Variants in SLCO4C1 observed in about 807,000 individuals in gnomAD.
SLCO4C1 encodes the protein solute carrier organic anion transporter family member 4C1.
In SLCO4C1, 58 loss-of-function variants were observed where a neutral mutation model predicts 72.1. That is an observed-to-expected ratio of 0.80 (90% CI 0.65 to 1.00). The LOEUF (loss-of-function observed/expected upper bound fraction) is 1.00. Ranked by LOEUF, SLCO4C1 falls within the 50% of genes least tolerant of loss-of-function variation. The pLI is 0.00. For missense variants in SLCO4C1, 898 were observed against 857.9 expected (o/e 1.05, Z -0.58); for synonymous variants, 297 against 312.5 (o/e 0.95, Z 0.52).
chr5:102,237,241 A>G (rs1748453879), intron 12 of SLCO4C1, among the ~76,000 whole-genome samples: 1 of 152,198 alleles, frequency 6.6e-6, no homozygotes, highest in African/African-American at 2.4e-5. Context: ...ATAGAGCACA[A>G]TAATTAACTT....
chr5:102,270,444 A>C (rs1749128901), intron 3 of SLCO4C1, among the ~76,000 whole-genome samples, 180 bp downstream of exon 3: 1 of 152,180 alleles, frequency 6.6e-6, no homozygotes. Flanking sequence ...AAATCATTAT[A>C]ATTTATATTT....
chr5:102,260,661 T>G (rs900556572), intron 5 of SLCO4C1, among the ~76,000 whole-genome samples: 1 of 152,022 alleles, frequency 6.6e-6, no homozygotes, highest in African/African-American at 2.4e-5. Context: ...TGCTTTTCAT[T>G]TAAAATCTCT....
chr5:102,237,017 ACCT>A lies in SLCO4C1; in HGVS notation c.2015-2_2015del. ...ACATGGTGATAACTTTACAAGTAAC[ACCT>A]AAGTGAAAAAAAAAATTAATCATGT... On this transcript the variant is annotated splice_acceptor_variant and coding_sequence_variant, in exon 13 of 13. Transcript: ENST00000310954. LOFTEE classifies it high-confidence loss of function. The A allele has an allele frequency of 6.4e-7, 1 of 1,568,794 alleles. No homozygotes were observed. The highest frequency in any genetic ancestry group is 1.4e-5 in the African/African-American group (1 of 72,624).
intron 2 of SLCO4C1, among the ~76,000 whole-genome samples, chr5:102,286,563 T>A (rs1381286685): frequency 6.6e-6 from 1 of 152,144 alleles, no homozygotes; most frequent in Non-Finnish European, 1.5e-5. Context: ...ATGACTTATT[T>A]AAAAGTGTTT....
Position 102,270,639 on chromosome 5 carries a change from AC to A in SLCO4C1, c.786del (p.Lys262AsnfsTer6). The stretch of plus-strand genomic sequence containing the variant: ...GTAAACTTACCTATATAGAGAGAAG[AC>A]TTGTGTGTGGGCACAGAATCATCAA... ...AFLDDSVPTH[K>X]SSLYIGTGYA... On this transcript the variant is annotated frameshift_variant, in exon 3 of 13. Transcript: ENST00000310954. LOFTEE classifies it high-confidence loss of function. 6.2e-7 allele frequency: 1 copy of A among 1,611,012 alleles called. No homozygotes were observed. The highest frequency in any genetic ancestry group is 8.5e-7 in the Non-Finnish European group (1 of 1,178,638).
At chr5:102,273,122 T>C (rs779884603) in intron 2 of SLCO4C1, among the ~76,000 whole-genome samples, 1 of 151,870 alleles carries the variant, frequency 6.6e-6, no homozygotes, top group African/African-American at 2.4e-5. Context: ...CTGTGAGAAT[T>C]ATGACAGAGA....
chr5:102,243,189 T>C (rs867086207), intron 10 of SLCO4C1, among the ~76,000 whole-genome samples: 2 of 152,132 alleles, frequency 1.3e-5, no homozygotes, highest in African/African-American at 4.8e-5. Flanking sequence ...CGCAATACAA[T>C]AGACCAGGTA....
intron 12 of SLCO4C1, 117 bp downstream of exon 12, chr5:102,239,134 T>G (rs1580235036): frequency 1.1e-6 from 1 of 913,174 alleles, no homozygotes; most frequent in Non-Finnish European, 1.6e-6. Context: ...TACTGGATGG[T>G]TCAACAATGT....
At position 102,247,426 on chromosome 5, in the gene SLCO4C1, G is replaced by T. The variant is rs759838506; in HGVS notation, c.1637C>A (p.Ser546Tyr). 3.2e-6 allele frequency: 5 copies of T among 1,557,408 alleles called. No individual in the cohort carries two copies. In the Admixed American group the frequency reaches 7.1e-5, roughly 22 times the overall value. The part of the protein sequence containing the change: ...HRKPKVYYNC[S>Y]CIERKTEITS... ...TATTTCTGTTTTCCTTTCAATACAG[G>T]AACAGTTGTAATATACCTAAAAATA... The change falls in exon 10 of 13, where the codon TCC becomes TAC. Residue 546 changes from serine (S) to tyrosine (Y), a missense_variant. Ser to Tyr is a moderately radical substitution (Grantham distance 144). Transcript: ENST00000310954.
At position 102,249,642 on chromosome 5, in the gene SLCO4C1, G is replaced by A. The variant is rs1444114714; in HGVS notation, c.1616C>T (p.Pro539Leu). Residue 539 changes from proline to leucine, a missense_variant, in exon 9 of 13, where the codon CCA becomes CTA. Pro to Leu is a moderately conservative substitution (Grantham distance 98). Coordinates refer to ENST00000310954, the MANE Select transcript of SLCO4C1 (RefSeq NM_180991.5). ...AAAGTAGGAGACATAAGCTACCTTTGGCTTCCTGTGTGCAACTGGGTTTGA... is the reference window on the plus strand; with the variant it reads ...AAAGTAGGAGACATAAGCTACCTTTAGCTTCCTGTGTGCAACTGGGTTTGA... The part of the protein sequence containing the change: ...GCSNPVAHRK[P>L]KVYYNCSCIE... 6.2e-7 allele frequency: 1 copy of A among 1,613,540 alleles called. No individual in the cohort carries two copies. Among genetic ancestry groups the A allele is most frequent in the South Asian group, 1.1e-5 (1 of 91,012 alleles).
chr5:102,258,317 G>A (rs749990786), intron 6 of SLCO4C1, among the ~76,000 whole-genome samples: 4 of 152,110 alleles, frequency 2.6e-5, no homozygotes, highest in African/African-American at 9.7e-5. Flanking sequence ...CCTCAACATG[G>A]TGGTTATGCA....
At chr5:102,268,215 G>A (rs1749079326) in intron 3 of SLCO4C1, among the ~76,000 whole-genome samples, 1 of 151,934 alleles carries the variant, frequency 6.6e-6, no homozygotes, top group African/African-American at 2.4e-5. Flanking sequence ...ATTATGTTGG[G>A]GTCCATTTCT....
chr5:102,243,154 T>C (rs568243701), intron 10 of SLCO4C1, among the ~76,000 whole-genome samples: 38 of 152,260 alleles, frequency 2.5e-4, no homozygotes, highest in African/African-American at 8.4e-4. Flanking sequence ...AGGACTACAC[T>C]GTGTGGTTTC....
intron 2 of SLCO4C1, 60 bp downstream of exon 2, chr5:102,291,283 A>G (rs1580270509): frequency 1.3e-6 from 2 of 1,535,970 alleles, no homozygotes. Flanking sequence ...TATAAAGTTA[A>G]TGACCTAGTT....
chr5:102,295,838 C>A (rs1675718808), intron 1 of SLCO4C1, 70 bp downstream of exon 1: 3 of 1,472,718 alleles, frequency 2.0e-6, no homozygotes, highest in African/African-American at 1.4e-5. Context: ...CCTGCCCTCT[C>A]CCCCGGCTGG....
intron 1 of SLCO4C1, among the ~76,000 whole-genome samples, chr5:102,294,554 CA>C (rs1469876239): frequency 3.3e-5 from 5 of 152,122 alleles, no homozygotes; most frequent in South Asian, 2.1e-4. Context: ...CAAGATAAGA[CA>C]TTTTTTACTT....
At chr5:102,248,859 T>C (rs1183726564) in intron 9 of SLCO4C1, among the ~76,000 whole-genome samples, 1 of 152,156 alleles carries the variant, frequency 6.6e-6, no homozygotes, top group Non-Finnish European at 1.5e-5. Flanking sequence ...GATGAAATAT[T>C]TAGTTTCTAA....
chr5:102,283,000 C>T (rs1293886874), intron 2 of SLCO4C1, among the ~76,000 whole-genome samples: 1 of 151,834 alleles, frequency 6.6e-6, no homozygotes, highest in Non-Finnish European at 1.5e-5. Flanking sequence ...GGCAACTTGG[C>T]TATTTAAAAG....
At chr5:102,276,069 T>A (rs1024046714) in intron 2 of SLCO4C1, among the ~76,000 whole-genome samples, 1 of 152,112 alleles carries the variant, frequency 6.6e-6, no homozygotes, top group Non-Finnish European at 1.5e-5. Context: ...TTCTTCCCAA[T>A]ATGCAAACTC....
Sources: gnomAD v4.1 joint callset for allele counts (sites outside exome capture counted in the v4.1 genomes callset) on GRCh38, gnomAD v4.1.1 for gene constraint, MANE v1.5 for transcripts, NCBI Gene and HGNC (gene_info 2026-07-23, HGNC 2026-07-21) for gene names.